Variants in ZFHX4 observed in about 807,000 individuals in gnomAD.
ZFHX4 encodes zinc finger homeobox 4.
Under a neutral mutation model 267.6 loss-of-function variants are expected in ZFHX4, and 56 were observed. That is an observed-to-expected ratio of 0.21 (90% CI 0.17 to 0.26). The LOEUF (loss-of-function observed/expected upper bound fraction) is 0.26. Ranked by LOEUF, ZFHX4 falls within the 10% of genes least tolerant of loss-of-function variation. ZFHX4 has a pLI of 1.00. For missense variants in ZFHX4, 4,332 were observed against 4,420.0 expected, an observed-to-expected ratio of 0.98 and a Z score of 0.56; for synonymous variants, 1,778 against 1,665.6, an observed-to-expected ratio of 1.07 and a Z score of -1.64.
intron 10 of ZFHX4, among the ~76,000 whole-genome samples, chr8:76,858,912 C>T (rs1346038604): frequency 1.6e-4 from 25 of 152,124 alleles, no homozygotes; most frequent in Admixed American, 1.6e-3. Flanking sequence ...ATGGAAAAGC[C>T]TTCATTTTAA....
intron 3 of ZFHX4, among the ~76,000 whole-genome samples, chr8:76,730,347 A>G (rs1330591792): frequency 6.6e-6 from 1 of 152,156 alleles, no homozygotes; most frequent in Non-Finnish European, 1.5e-5. Flanking sequence ...TGTTCATATC[A>G]TATGCTGTTA....
intron 1 of ZFHX4, among the ~76,000 whole-genome samples, chr8:76,695,507 A>T (rs373152779): frequency 6.6e-6 from 1 of 152,256 alleles, no homozygotes; most frequent in Non-Finnish European, 1.5e-5. Context: ...ATGACGAAAT[A>T]CTTGTTGCAT....
At chr8:76,862,264 C>A (rs1812889970) in intron 10 of ZFHX4, among the ~76,000 whole-genome samples, 1 of 152,178 alleles carries the variant, frequency 6.6e-6, no homozygotes, top group Admixed American at 6.5e-5. Flanking sequence ...TTTCTGCCTA[C>A]TGATCATTTA....
chr8:76,681,643 A>G, intron 1 of ZFHX4, 23 bp downstream of exon 1: 1 of 393,908 alleles, frequency 2.5e-6, no homozygotes, highest in Non-Finnish European at 4.5e-6. Flanking sequence ...TTTAACTTTT[A>G]TTGAGTAGTT....
In ZFHX4 at chr8:76,834,232, A is replaced by C. The variant is rs145901721; in HGVS notation, c.3394+826A>C. The C allele has an allele frequency of 1.7e-3, 614 of 370,786 alleles. 2 individuals carry two copies. Among genetic ancestry groups the C allele is most frequent in the African/African-American group, 0.012 (580 of 47,338 alleles). 23.0% of individuals were successfully genotyped at this position (370,786 alleles called of 1,614,324 possible). On this transcript the variant is annotated intron_variant, in intron 5 of 10. Transcript: ENST00000651372. ...GCTTTTGTGTGGACATAAATTTTCA[A>C]CTCCCTTTGATAAATGCCAAGGAGT... is the stretch of plus-strand genomic sequence containing the variant.
intron 1 of ZFHX4, among the ~76,000 whole-genome samples, chr8:76,689,561 G>A (rs1807774421): frequency 6.6e-6 from 1 of 152,088 alleles, no homozygotes; most frequent in African/African-American, 2.4e-5. Context: ...GGCTAAAGAC[G>A]AAATGGGCTT....
At chr8:76,850,694 G>C (rs1016692159) in intron 9 of ZFHX4, among the ~76,000 whole-genome samples, 192 bp from the exon 10 acceptor site, 2 of 152,176 alleles carry the variant, frequency 1.3e-5, no homozygotes, top group Non-Finnish European at 2.9e-5. Flanking sequence ...TGAGGCCAGC[G>C]GTGATTTCTT....
Position 76,756,811 on chromosome 8 carries a change from A to AT in ZFHX4, c.3094-21391dup, listed in dbSNP as rs562057469. ...GGTCCTTATTGCATGCATATTTCTG[A>AT]TTTTTTCTCTTTTTCATCCCATGAT... On this transcript the variant is annotated intron_variant, in intron 3 of 10. Transcript: ENST00000651372. 1.8e-4 allele frequency among the ~76,000 whole-genome samples: 27 copies of AT among 151,894 alleles called. No individual in the cohort carries two copies. In the East Asian group the frequency reaches 4.8e-3, roughly 27 times the overall value.
chr8:76,834,063 G>GTTTATTTCC (rs1490553956), intron 5 of ZFHX4: 1 of 397,250 alleles, frequency 2.5e-6, no homozygotes, highest in African/African-American at 2.1e-5. Flanking sequence ...TGGCTTGATA[G>GTTTATTTCC]TTTATTTCCT....
chr8:76,769,776 A>G (rs1341224057), intron 3 of ZFHX4, among the ~76,000 whole-genome samples: 2 of 151,992 alleles, frequency 1.3e-5, no homozygotes, highest in Non-Finnish European at 2.9e-5. Context: ...CGATAAGTGC[A>G]TAGAGCAAAG....
Position 76,778,240 on chromosome 8 carries a change from C to A in ZFHX4, c.3126C>A (p.Pro1042=), listed in dbSNP as rs779771639. ...HLQKQEGAVN[P]ESCYYYCAVC... ...AGAAGCAAGAGGGTGCAGTGAATCC[C>A]GAATCCTGCTATTACTACTGTGCCG... The change falls in exon 4 of 11, where the codon CCC becomes CCA. Residue 1042 remains proline (P), a synonymous_variant. Coordinates refer to ENST00000651372, the MANE Select transcript of ZFHX4 (RefSeq NM_024721.5). 2 of 1,613,454 alleles carry A rather than the reference C, an allele frequency of 1.2e-6. No individual in the cohort carries two copies. Among genetic ancestry groups the A allele is most frequent in the East Asian group, 2.2e-5 (1 of 44,842 alleles).
chr8:76,756,163 C>T (rs777955757), intron 3 of ZFHX4, among the ~76,000 whole-genome samples: 3 of 152,086 alleles, frequency 2.0e-5, no homozygotes, highest in African/African-American at 4.8e-5. Context: ...CATGTAGGGA[C>T]GTCGTCATGT....
chr8:76,799,641 C>T (rs1453544569), intron 4 of ZFHX4, among the ~76,000 whole-genome samples: 1 of 152,190 alleles, frequency 6.6e-6, no homozygotes, highest in Non-Finnish European at 1.5e-5. Flanking sequence ...TTCTCTCTCA[C>T]ACATACTCGA....
intron 1 of ZFHX4, among the ~76,000 whole-genome samples, chr8:76,701,956 T>C (rs1425041486): frequency 2.0e-5 from 3 of 152,148 alleles, no homozygotes; most frequent in Admixed American, 1.3e-4. Flanking sequence ...CTAGTCTCTT[T>C]CTGACTCCCT....
chr8:76,773,656 T>C (rs1455194955), intron 3 of ZFHX4, among the ~76,000 whole-genome samples: 1 of 152,158 alleles, frequency 6.6e-6, no homozygotes, highest in Non-Finnish European at 1.5e-5. Context: ...TGGATTTCAC[T>C]TTAATATTTG....
chr8:76,812,398 C>T (rs1002602269), intron 4 of ZFHX4, among the ~76,000 whole-genome samples: 5 of 152,166 alleles, frequency 3.3e-5, no homozygotes, highest in Admixed American at 2.6e-4. Flanking sequence ...TTGAGTTGTG[C>T]ACTCTCAACC....
intron 8 of ZFHX4, 161 bp downstream of exon 8, chr8:76,849,873 C>T (rs1563557169): frequency 1.3e-6 from 1 of 771,344 alleles, no homozygotes; most frequent in Non-Finnish European, 2.1e-6. Flanking sequence ...CCATTTGTGA[C>T]CTCTTTTGCT....
intron 3 of ZFHX4, among the ~76,000 whole-genome samples, chr8:76,731,704 T>G (rs558262989): frequency 6.6e-6 from 1 of 152,148 alleles, no homozygotes; most frequent in Non-Finnish European, 1.5e-5. Context: ...AGAACAATAT[T>G]CTATCAATAT....
At chr8:76,796,593 G>T (rs927153453) in intron 4 of ZFHX4, among the ~76,000 whole-genome samples, 1 of 152,146 alleles carries the variant, frequency 6.6e-6, no homozygotes, top group Admixed American at 6.6e-5. Context: ...CAACAGCGTG[G>T]TTAAACAAAT....
Sources: allele counts gnomAD v4.1 joint callset (sites outside exome capture counted in the v4.1 genomes callset), GRCh38; gene constraint gnomAD v4.1.1; transcripts MANE v1.5; gene names NCBI Gene and HGNC (gene_info 2026-07-23, HGNC 2026-07-21).